RGS5: variants seen among roughly 807,000 people sequenced by gnomAD.
RGS5 encodes regulator of G protein signaling 5.
A neutral mutation model predicts 18.9 loss-of-function variants in RGS5; 20 were observed. The observed-to-expected ratio is 1.06, with a 90% CI of 0.74 to 1.54. The LOEUF (loss-of-function observed/expected upper bound fraction) is 1.54. Ranked by LOEUF, RGS5 falls within the 40% of genes most tolerant of loss-of-function variation. The pLI is 0.00. For synonymous variants in RGS5, 57 were observed against 76.2 expected (o/e 0.75, Z 1.31); for missense variants, 201 against 211.8 (o/e 0.95, Z 0.32).
At chr1:163,281,574 C>T (rs747248888) in intron 2 of RGS5, among the ~76,000 whole-genome samples, 3 of 152,094 alleles carry the variant, frequency 2.0e-5, no homozygotes, top group Non-Finnish European at 4.4e-5. Flanking sequence ...CATGAGGGAT[C>T]CATCCCCATG....
upstream of RGS5, among the ~76,000 whole-genome samples, chr1:163,222,188 A>G (rs1475849278): frequency 6.6e-6 from 1 of 152,204 alleles, no homozygotes; most frequent in Admixed American, 6.5e-5. Context: ...ACCAGGCCAC[A>G]GACCAGCAGG....
chr1:163,285,592 T>A (rs2101721808), intron 2 of RGS5, among the ~76,000 whole-genome samples: 1 of 151,874 alleles, frequency 6.6e-6, no homozygotes, highest in African/African-American at 2.4e-5. Context: ...TATATAAAAA[T>A]ATATAAAAAC....
chr1:163,299,291 G>T (rs11803916), intron 2 of RGS5, among the ~76,000 whole-genome samples: 22,335 of 152,118 alleles, frequency 0.15, 1,960 homozygotes, highest in Non-Finnish European at 0.19. Context: ...AGGCTGTAGA[G>T]AAGCCAGTTG....
intron 2 of RGS5, among the ~76,000 whole-genome samples, chr1:163,294,283 T>C (rs749758225): frequency 6.6e-6 from 1 of 152,254 alleles, no homozygotes; most frequent in Non-Finnish European, 1.5e-5. Flanking sequence ...CATACATCCT[T>C]TGAAATCTAG....
chr1:163,278,730 T>G (rs1648921830), intron 2 of RGS5, among the ~76,000 whole-genome samples: 1 of 152,120 alleles, frequency 6.6e-6, no homozygotes, highest in Non-Finnish European at 1.5e-5. Flanking sequence ...GTGGTTTAAA[T>G]TCTCCAATTA....
chr1:163,229,369 G>T (rs1363439655), intron 2 of RGS5, among the ~76,000 whole-genome samples: 1 of 152,094 alleles, frequency 6.6e-6, no homozygotes. Flanking sequence ...GAACAGCATG[G>T]GGGAAGCCTC....
intron 2 of RGS5, among the ~76,000 whole-genome samples, chr1:163,243,222 A>G (rs553635815): frequency 6.6e-6 from 1 of 152,310 alleles, no homozygotes; most frequent in East Asian, 1.9e-4. Context: ...GTTCTCACTC[A>G]TAAGTGGGAG....
intron 1 of RGS5, among the ~76,000 whole-genome samples, chr1:163,208,522 A>AAAAG (rs1435794537): frequency 3.0e-5 from 4 of 133,266 alleles, no homozygotes; most frequent in Non-Finnish European, 6.6e-5. Flanking sequence ...CTCCATTAAA[A>AAAAG]AAAAAAAAAA....
intron 2 of RGS5, among the ~76,000 whole-genome samples, chr1:163,301,909 G>A (rs897909001): frequency 4.0e-5 from 6 of 151,776 alleles, no homozygotes; most frequent in African/African-American, 1.5e-4. Context: ...TTTCAATTAG[G>A]AAGAAAATCT....
chr1:163,252,694 C>A (rs547511363), intron 2 of RGS5, among the ~76,000 whole-genome samples: 1 of 152,220 alleles, frequency 6.6e-6, no homozygotes, highest in African/African-American at 2.4e-5. Flanking sequence ...TCCTGACTTG[C>A]ATATTGGTAC....
At chr1:163,173,287 A>T (rs1280618290) in intron 1 of RGS5, among the ~76,000 whole-genome samples, 1 of 152,228 alleles carries the variant, frequency 6.6e-6, no homozygotes, top group Non-Finnish European at 1.5e-5. Flanking sequence ...AAATAAAATC[A>T]ATTGAAAATG....
rs754156217 is a variant in RGS5, at chr1:163,142,718, T to C, written c.*4624A>G. 6.6e-6 allele frequency: 1 copy of C among 152,204 alleles called. No individual in the cohort carries two copies. Among genetic ancestry groups the C allele is most frequent in the Non-Finnish European group, 1.5e-5 (1 of 68,044 alleles). The allele number at this position is 152,204 out of a possible 1,614,324, so 9.4% of individuals were successfully genotyped here. A position where few individuals can be genotyped will look rare whatever the true frequency, so the allele number is the denominator to read the frequency against. ...TTTCTAGAAAGGAAGTTAAATGCTT[T>C]TAATGTATTAATTATTACATTATTG... On this transcript the variant is annotated 3_prime_UTR_variant, in exon 5 of 5. Transcript: ENST00000313961.
intron 1 of RGS5, chr1:163,172,514 C>G: frequency 6.5e-7 from 1 of 1,539,290 alleles, no homozygotes; most frequent in Non-Finnish European, 8.8e-7. Context: ...ATAACATTGC[C>G]AAGAGAAAAT....
At chr1:163,181,669 T>C (rs1658852895) in intron 1 of RGS5, among the ~76,000 whole-genome samples, 1 of 152,172 alleles carries the variant, frequency 6.6e-6, no homozygotes, top group Non-Finnish European at 1.5e-5. Flanking sequence ...CATATGTATG[T>C]ACTCCCAGTT....
At chr1:163,208,518 T>TAAA (rs55700806) in intron 1 of RGS5, among the ~76,000 whole-genome samples, 1,730 of 14,416 alleles carry the variant, frequency 0.12, 622 homozygotes, top group Middle Eastern at 0.25. Context: ...CCACCTCCAT[T>TAAA]AAAAAAAAAA....
At chr1:163,155,637 G>A (rs1005399028) in intron 3 of RGS5, among the ~76,000 whole-genome samples, 6 of 152,028 alleles carry the variant, frequency 3.9e-5, no homozygotes, top group South Asian at 2.1e-4. Flanking sequence ...CACCCCTGCG[G>A]ACAACCTATT....
chr1:163,222,138 C>T (rs370859760), upstream of RGS5, among the ~76,000 whole-genome samples: 7 of 152,200 alleles, frequency 4.6e-5, no homozygotes, highest in East Asian at 7.7e-4. Context: ...TCCCCAACCC[C>T]CAGGCCGCCT....
chr1:163,216,852 A>G (rs542445971), intron 1 of RGS5, among the ~76,000 whole-genome samples: 36 of 152,198 alleles, frequency 2.4e-4, no homozygotes, highest in Non-Finnish European at 4.6e-4. Flanking sequence ...TTTGAAATAA[A>G]TTTTGATTCA....
intron 2 of RGS5, among the ~76,000 whole-genome samples, chr1:163,229,502 A>G (rs1348004445): frequency 1.3e-5 from 2 of 152,190 alleles, no homozygotes; most frequent in African/African-American, 4.8e-5. Context: ...TTGGAGTAGT[A>G]ACATTAAAAG....
Sources: gnomAD v4.1 joint callset for allele counts (sites outside exome capture counted in the v4.1 genomes callset) on GRCh38, gnomAD v4.1.1 for gene constraint, MANE v1.5 for transcripts, NCBI Gene and HGNC (gene_info 2026-07-23, HGNC 2026-07-21) for gene names.